Variants in RBFOX1 observed in about 807,000 individuals in gnomAD.
RBFOX1 encodes RNA binding fox-1 homolog 1.
RBFOX1 carries 8 observed loss-of-function variants against 57.7 expected under a neutral mutation model. That is an observed-to-expected ratio of 0.14 (90% CI 0.08 to 0.25). The LOEUF is 0.25. Among genes scored for constraint, RBFOX1 ranks in the 10% least tolerant of loss-of-function variants. The pLI is 1.00. For missense variants in RBFOX1, 611 were observed against 548.5 expected (o/e 1.11, Z -1.14); for synonymous variants, 326 against 222.4 (o/e 1.47, Z -4.15).
intron 3 of RBFOX1, among the ~76,000 whole-genome samples, chr16:6,661,119 A>T (rs535977551): frequency 6.6e-6 from 1 of 152,318 alleles, no homozygotes; most frequent in South Asian, 2.1e-4. Flanking sequence ...TAGATTCAGT[A>T]TTGCTGTTTT....
chr16:5,497,746 A>G (rs1264606367), intron 2 of RBFOX1, among the ~76,000 whole-genome samples: 1 of 152,156 alleles, frequency 6.6e-6, no homozygotes, highest in Non-Finnish European at 1.5e-5. Flanking sequence ...ATTGCTCCAC[A>G]GCACTCCAGC....
intron 4 of RBFOX1, among the ~76,000 whole-genome samples, chr16:7,259,832 T>G (rs1421950065): frequency 6.6e-6 from 1 of 152,172 alleles, no homozygotes; most frequent in African/African-American, 2.4e-5. Context: ...TAATTTTATG[T>G]GTGTGTAATA....
At chr16:6,705,539 C>T (rs1485454205) in intron 3 of RBFOX1, 1 of 152,138 alleles carries the variant, frequency 6.6e-6, no homozygotes, top group East Asian at 1.9e-4. Context: ...ATCTCAGTTT[C>T]TAATACCATT....
At chr16:6,961,710 C>A (rs766318627) in intron 3 of RBFOX1, among the ~76,000 whole-genome samples, 1 of 152,138 alleles carries the variant, frequency 6.6e-6, no homozygotes, top group Admixed American at 6.5e-5. Context: ...GTTCCTTCCT[C>A]ACCTTTAGAC....
intron 14 of RBFOX1, among the ~76,000 whole-genome samples, chr16:7,692,444 TAAG>T (rs2077553108): frequency 6.6e-6 from 1 of 152,094 alleles, no homozygotes. Context: ...CCAATCATAC[TAAG>T]AAGAAAAATG....
chr16:7,126,976 T>G (rs1470454955), intron 4 of RBFOX1, among the ~76,000 whole-genome samples: 1 of 143,050 alleles, frequency 7.0e-6, no homozygotes, highest in Non-Finnish European at 1.5e-5. Flanking sequence ...GCCACTACAC[T>G]GCAGCCTGGG....
In RBFOX1 at chr16:5,681,240, A is replaced by AT. The variant is rs71404546; in HGVS notation, c.318+82296dup. Among the ~76,000 whole-genome samples, 1,125 of 134,580 alleles carry AT rather than the reference A, an allele frequency of 8.4e-3. 5 individuals carry two copies. The highest frequency in any genetic ancestry group is 0.017 in the South Asian group (68 of 4,098). The allele number at this position is 134,580 out of a possible 152,430, so 88.3% of individuals were successfully genotyped here. A position where few individuals can be genotyped will look rare whatever the true frequency, so the allele number is the denominator to read the frequency against. On this transcript the variant is annotated intron_variant, in intron 3 of 19. Transcript: ENST00000641259. ...AGGTGCCTGCCACCATGCCTGGCTA[A>AT]TTTTTTTTTTTTTTTTTGTATTTTT...
chr16:6,701,399 T>C (rs2061831968), intron 3 of RBFOX1, among the ~76,000 whole-genome samples: 1 of 152,210 alleles, frequency 6.6e-6, no homozygotes, highest in Non-Finnish European at 1.5e-5. Flanking sequence ...TGGGAAGACA[T>C]CTGCATTAGT....
chr16:6,966,197 C>T (rs540651204), intron 3 of RBFOX1, among the ~76,000 whole-genome samples: 1 of 152,106 alleles, frequency 6.6e-6, no homozygotes, highest in East Asian at 1.9e-4. Flanking sequence ...TCTGAGCCAG[C>T]TGCCTTCCCC....
At chr16:5,856,292 CA>C (rs2057053707) in intron 3 of RBFOX1, among the ~76,000 whole-genome samples, 2 of 28,140 alleles carry the variant, frequency 7.1e-5, no homozygotes, top group Non-Finnish European at 1.7e-4. Flanking sequence ...TATACACACA[CA>C]CACACACACA....
chr16:6,611,492 G>A (rs1211590400), intron 2 of RBFOX1, among the ~76,000 whole-genome samples: 1 of 152,044 alleles, frequency 6.6e-6, no homozygotes, highest in African/African-American at 2.4e-5. Context: ...CCTCGGAGAG[G>A]TCTCCTTGGA....
chr16:6,483,539 C>T (rs1422325834), intron 2 of RBFOX1: 4 of 1,535,548 alleles, frequency 2.6e-6, no homozygotes, highest in East Asian at 2.4e-5. Flanking sequence ...GGGAGATGCC[C>T]TTCAGGTACG....
intron 3 of RBFOX1, among the ~76,000 whole-genome samples, chr16:7,051,042 A>T (rs1382107541): frequency 3.9e-5 from 6 of 152,208 alleles, no homozygotes; most frequent in Non-Finnish European, 7.3e-5. Flanking sequence ...GTTGGTTCCT[A>T]AACCTTCATA....
intron 1 of RBFOX1, among the ~76,000 whole-genome samples, chr16:5,347,616 C>G (rs1056193651): frequency 2.1e-5 from 3 of 143,264 alleles, no homozygotes; most frequent in African/African-American, 7.7e-5. Flanking sequence ...ATGCTCCCAT[C>G]CCCCTATCAA....
rs146238515 is a variant in RBFOX1 at position 6,832,205 on chromosome 16, C to T, written c.-16+177555C>T. Among the ~76,000 whole-genome samples the T allele has an allele frequency of 3.2e-4, 48 of 152,182 alleles. 1 individual carries two copies. The highest frequency in any genetic ancestry group is 1.1e-3 in the African/African-American group (45 of 41,514). On this transcript the variant is annotated intron_variant, in intron 3 of 15. Coordinates refer to ENST00000550418, the MANE Select transcript of RBFOX1 (RefSeq NM_018723.4). ...ATACACTGTATTTGTATGTGAGGAG[C>T]CCAAGTGAATAAATAAGCAGGAGTT... is the stretch of plus-strand genomic sequence containing the variant.
intron 1 of RBFOX1, among the ~76,000 whole-genome samples, chr16:5,268,109 C>G (rs1567257034): frequency 2.0e-5 from 3 of 151,928 alleles, no homozygotes; most frequent in Non-Finnish European, 4.4e-5. Flanking sequence ...GGAATATAGA[C>G]TCCATCAGAG....
chr16:5,454,901 TCTTTC>T (rs1567535197), intron 1 of RBFOX1, among the ~76,000 whole-genome samples: 68 of 119,988 alleles, frequency 5.7e-4, no homozygotes, highest in Non-Finnish European at 1.0e-3. Flanking sequence ...TTTCTTTCTT[TCTTTC>T]TTTCTTTCCT....
At chr16:5,405,039 A>T (rs563716350) in intron 1 of RBFOX1, among the ~76,000 whole-genome samples, 4 of 152,308 alleles carry the variant, frequency 2.6e-5, no homozygotes, top group South Asian at 4.1e-4. Flanking sequence ...TACTGTTATT[A>T]TTCCAGTCTT....
intron 11 of RBFOX1, among the ~76,000 whole-genome samples, chr16:7,642,318 T>C (rs1042219576): frequency 2.0e-5 from 3 of 151,908 alleles, no homozygotes; most frequent in African/African-American, 7.3e-5. Context: ...ATCAGGACTC[T>C]TTTTTTTAAG....
Sources: allele counts gnomAD v4.1 joint callset (sites outside exome capture counted in the v4.1 genomes callset), GRCh38; gene constraint gnomAD v4.1.1; transcripts MANE v1.5; gene names NCBI Gene and HGNC (gene_info 2026-07-23, HGNC 2026-07-21).